Variants in ABCC9 observed in about 807,000 individuals in gnomAD.
ABCC9 encodes the protein ATP-binding cassette sub-family C member 9.
Under a neutral mutation model 188.3 loss-of-function variants are expected in ABCC9, and 95 were observed. The observed-to-expected ratio is 0.50, with a 90% CI of 0.43 to 0.60. The LOEUF (loss-of-function observed/expected upper bound fraction) is 0.60. Ranked by LOEUF, ABCC9 falls within the 20% of genes least tolerant of loss-of-function variation. The pLI, the probability that ABCC9 is intolerant of heterozygous loss-of-function variation, is 0.00. For synonymous variants in ABCC9, 659 were observed against 652.7 expected (o/e 1.01, Z -0.15); for missense variants, 1,102 against 1,876.3 (o/e 0.59, Z 7.62).
At chr12:21,809,775 A>G in intron 37 of ABCC9, 77 bp downstream of exon 37, 1 of 847,848 alleles carries the variant, frequency 1.2e-6, no homozygotes, top group Admixed American at 1.8e-5. Context: ...TTATGTGATT[A>G]TAGCATAAAA....
rs1941377093 is a variant in ABCC9, at chr12:21,800,477, G to A, written c.*567C>T. The A allele has an allele frequency of 6.4e-6, 1 of 155,474 alleles. No individual in the cohort carries two copies. The highest frequency in any genetic ancestry group is 1.4e-5 in the Non-Finnish European group (1 of 70,298). The allele number at this position is 155,474 out of a possible 1,614,324, so 9.6% of individuals were successfully genotyped here. ...CTTTGGCCTTATAGAATAAGTATAA[G>A]TGTGATAACTTCTTGGTGACAAGAA... On this transcript the variant is annotated 3_prime_UTR_variant, in exon 40 of 40. Coordinates refer to ENST00000261200, the MANE Select transcript of ABCC9 (RefSeq NM_020297.4).
chr12:21,912,107 G>A (rs1030425296), intron 8 of ABCC9, among the ~76,000 whole-genome samples: 13 of 151,932 alleles, frequency 8.6e-5, no homozygotes, highest in African/African-American at 2.9e-4. Context: ...AAGCTTCACC[G>A]AAGAGGCAAC....
intron 4 of ABCC9, among the ~76,000 whole-genome samples, chr12:21,929,248 A>G (rs1949176672): frequency 6.6e-6 from 1 of 151,974 alleles, no homozygotes; most frequent in Non-Finnish European, 1.5e-5. Context: ...GAAGTATTTG[A>G]CTATAATAAA....
At chr12:21,890,629 A>G (rs944754838) in intron 14 of ABCC9, among the ~76,000 whole-genome samples, 27 of 152,222 alleles carry the variant, frequency 1.8e-4, no homozygotes, top group African/African-American at 6.5e-4. Context: ...ACCATGGAAT[A>G]CTATGCAGCC....
At chr12:21,865,423 T>C (rs1945729903) in intron 18 of ABCC9, among the ~76,000 whole-genome samples, 2 of 152,176 alleles carry the variant, frequency 1.3e-5, no homozygotes, top group South Asian at 4.1e-4. Flanking sequence ...AATTGTTCCC[T>C]GATTTAAGTT....
At chr12:21,934,007 T>C in intron 3 of ABCC9, 84 bp from the exon 4 acceptor site, 5 of 1,489,920 alleles carry the variant, frequency 3.4e-6, no homozygotes, top group South Asian at 1.2e-5. Flanking sequence ...TATGATAAGC[T>C]TTAAGGCAGG....
chr12:21,818,644 CTTTT>C (rs77782399), intron 31 of ABCC9, among the ~76,000 whole-genome samples: 1 of 107,354 alleles, frequency 9.3e-6, no homozygotes, highest in Non-Finnish European at 2.0e-5. Flanking sequence ...GTAGGGTTTA[CTTTT>C]TTTTTTTTTT....
chr12:21,882,755 A>G lies in ABCC9; in HGVS notation c.2019+11T>C. ...TTCTATTCATGTAAGAATCCAGGAA[A>G]TAAAAATAACCTTTATTGCAATGTC... is the stretch of plus-strand genomic sequence containing the variant. On this transcript the variant is annotated intron_variant, in intron 16 of 39. Transcript: ENST00000261200. The G allele has an allele frequency of 6.3e-7, 1 of 1,594,696 alleles. No individual in the cohort carries two copies. Among genetic ancestry groups the G allele is most frequent in the Non-Finnish European group, 8.6e-7 (1 of 1,162,356 alleles).
At chr12:21,871,574 G>A (rs1326262033) in intron 18 of ABCC9, among the ~76,000 whole-genome samples, 1 of 151,870 alleles carries the variant, frequency 6.6e-6, no homozygotes, top group Non-Finnish European at 1.5e-5. Flanking sequence ...AGAGATGTCT[G>A]TGTATGTAAA....
At chr12:21,869,875 A>G (rs1030592197) in intron 18 of ABCC9, among the ~76,000 whole-genome samples, 1 of 152,236 alleles carries the variant, frequency 6.6e-6, no homozygotes, top group Non-Finnish European at 1.5e-5. Context: ...TAAATGTTGA[A>G]TGAAAAAGAA....
chr12:21,836,841 CAAAT>C lies in ABCC9; in HGVS notation c.3566+1233_3566+1236del, dbSNP rs552514441. Among the ~76,000 whole-genome samples, 83 of 151,506 alleles carry C rather than the reference CAAAT, an allele frequency of 5.5e-4. 1 individual carries two copies. The highest frequency in any genetic ancestry group is 1.9e-3 in the African/African-American group (80 of 41,278). ...TTGGAAAGGACAGATAACTTGTAAA[CAAAT>C]AAAAAAGATGATTTAAAATACTCAG... is the stretch of plus-strand genomic sequence containing the variant. On this transcript the variant is annotated intron_variant, in intron 30 of 39. Coordinates refer to ENST00000261200, the MANE Select transcript of ABCC9 (RefSeq NM_020297.4).
intron 29 of ABCC9, among the ~76,000 whole-genome samples, chr12:21,842,009 A>G (rs1318114098): frequency 1.3e-5 from 2 of 152,188 alleles, no homozygotes; most frequent in East Asian, 3.9e-4. Context: ...AAATCTGCAG[A>G]TGCTCAAGTC....
chr12:21,890,613 A>G (rs531182886), intron 14 of ABCC9, among the ~76,000 whole-genome samples: 1 of 152,324 alleles, frequency 6.6e-6, no homozygotes, highest in African/African-American at 2.4e-5. Flanking sequence ...AATGTGGCAC[A>G]TATACACCAT....
At chr12:21,851,538 A>ACCCATC (rs1184821781) in intron 24 of ABCC9, among the ~76,000 whole-genome samples, 1 of 152,166 alleles carries the variant, frequency 6.6e-6, no homozygotes, top group Non-Finnish European at 1.5e-5. Flanking sequence ...ATCATGTAAA[A>ACCCATC]AGGGCTTTGT....
intron 24 of ABCC9, 121 bp from the exon 25 acceptor site, chr12:21,848,367 A>T (rs1944792307): frequency 2.4e-6 from 2 of 823,908 alleles, no homozygotes; most frequent in Admixed American, 2.0e-5. Context: ...CTCTGTGCTC[A>T]CTCTGGAGAT....
chr12:21,932,537 T>A (rs1166041647), intron 4 of ABCC9, among the ~76,000 whole-genome samples: 1 of 152,156 alleles, frequency 6.6e-6, no homozygotes, highest in East Asian at 1.9e-4. Flanking sequence ...AGATGTAATA[T>A]CCAGCATCTA....
At chr12:21,832,460 G>C (rs1469188266) in intron 30 of ABCC9, among the ~76,000 whole-genome samples, 1 of 152,048 alleles carries the variant, frequency 6.6e-6, no homozygotes, top group South Asian at 2.1e-4. Context: ...ATGGCAGCAG[G>C]GCCATCCCAT....
At chr12:21,820,661 A>T (rs919392672) in intron 31 of ABCC9, among the ~76,000 whole-genome samples, 9 of 151,834 alleles carry the variant, frequency 5.9e-5, no homozygotes, top group African/African-American at 2.2e-4. Context: ...CCTTTTTCCT[A>T]TTCTTGGGAA....
chr12:21,921,233 C>G (rs1948805418), intron 5 of ABCC9, among the ~76,000 whole-genome samples: 1 of 151,820 alleles, frequency 6.6e-6, no homozygotes, highest in African/African-American at 2.4e-5. Context: ...GCCAGCATTA[C>G]TTATTGCCTG....
Sources: allele counts gnomAD v4.1 joint callset (sites outside exome capture counted in the v4.1 genomes callset), GRCh38; gene constraint gnomAD v4.1.1; transcripts MANE v1.5; gene names NCBI Gene and HGNC (gene_info 2026-07-23, HGNC 2026-07-21).